MACROD2: variants seen among roughly 807,000 people sequenced by gnomAD.
The protein encoded by MACROD2 is ADP-ribose glycohydrolase MACROD2.
MACROD2 carries 36 observed loss-of-function variants against 70.4 expected under a neutral mutation model. That is an observed-to-expected ratio of 0.51 (90% CI 0.39 to 0.68). The LOEUF is 0.68. Ranked by LOEUF, MACROD2 falls within the 30% of genes least tolerant of loss-of-function variation. The pLI is 0.00. For missense variants in MACROD2, 496 were observed against 538.4 expected (o/e 0.92, Z 0.78); for synonymous variants, 172 against 178.8 (o/e 0.96, Z 0.30).
intron 7 of MACROD2, among the ~76,000 whole-genome samples, chr20:15,434,306 A>G (rs1343208768): frequency 6.6e-6 from 1 of 151,122 alleles, no homozygotes; most frequent in Non-Finnish European, 1.5e-5. Context: ...CCCAGAATCT[A>G]TAAGGAACTC....
chr20:14,401,243 T>C (rs537399061), intron 3 of MACROD2, among the ~76,000 whole-genome samples: 10 of 152,296 alleles, frequency 6.6e-5, no homozygotes, highest in Admixed American at 2.6e-4. Flanking sequence ...CTATTGTGAA[T>C]AGTGCTGTGG....
At chr20:15,072,818 A>G (rs1043083748) in intron 5 of MACROD2, among the ~76,000 whole-genome samples, 2 of 152,190 alleles carry the variant, frequency 1.3e-5, no homozygotes, top group Admixed American at 1.3e-4. Flanking sequence ...CCCCATTGCT[A>G]TAATTTGAAT....
At chr20:14,573,964 A>C (rs527844524) in intron 4 of MACROD2, among the ~76,000 whole-genome samples, 1 of 152,268 alleles carries the variant, frequency 6.6e-6, no homozygotes, top group African/African-American at 2.4e-5. Context: ...CTCCCTGAAA[A>C]GGTAGCACCA....
intron 6 of MACROD2, among the ~76,000 whole-genome samples, chr20:15,323,757 C>T (rs2077897243): frequency 6.6e-6 from 1 of 152,046 alleles, no homozygotes; most frequent in Non-Finnish European, 1.5e-5. Flanking sequence ...ACTTTTATGA[C>T]TCTAGTTTAT....
intron 7 of MACROD2, among the ~76,000 whole-genome samples, chr20:15,441,316 A>C (rs759903933): frequency 7.9e-5 from 12 of 152,106 alleles, no homozygotes; most frequent in African/African-American, 2.7e-4. Flanking sequence ...GACTAACTTC[A>C]CTCTGGAAAG....
At chr20:14,903,861 A>G (rs2073927121) in intron 5 of MACROD2, among the ~76,000 whole-genome samples, 1 of 152,158 alleles carries the variant, frequency 6.6e-6, no homozygotes, top group African/African-American at 2.4e-5. Context: ...ACTGATGTTC[A>G]TCTCACTGAA....
At position 15,296,359 on chromosome 20, in the gene MACROD2, A is replaced by G. The variant is rs1310232870; in HGVS notation, c.540+66298A>G. ...TTAAAATATGACTTAAAAGACATCC[A>G]CCTGAAGCAAATGTAACAAAATGAT... On this transcript the variant is annotated intron_variant, in intron 6 of 17. Transcript: ENST00000684519. Among the ~76,000 whole-genome samples, 4 of 152,252 alleles carry G rather than the reference A, an allele frequency of 2.6e-5. No individual in the cohort carries two copies. In the East Asian group the frequency reaches 7.7e-4, roughly 29 times the overall value.
At chr20:15,079,659 C>A (rs1396540348) in intron 5 of MACROD2, among the ~76,000 whole-genome samples, 1 of 152,084 alleles carries the variant, frequency 6.6e-6, no homozygotes, top group Non-Finnish European at 1.5e-5. Flanking sequence ...ACACCCTCAA[C>A]TCCCTTGACT....
At chr20:15,916,553 T>C (rs2065319346) in intron 10 of MACROD2, among the ~76,000 whole-genome samples, 1 of 152,230 alleles carries the variant, frequency 6.6e-6, no homozygotes, top group Non-Finnish European at 1.5e-5. Context: ...AACAGCATTC[T>C]CTTTAGTTTC....
chr20:15,256,524 T>TA (rs1045409007), intron 6 of MACROD2, among the ~76,000 whole-genome samples: 15 of 151,712 alleles, frequency 9.9e-5, no homozygotes, highest in African/African-American at 3.1e-4. Flanking sequence ...CGGCAAATAA[T>TA]AAAAAAAGGT....
chr20:15,973,000 T>C (rs540497442), intron 13 of MACROD2, among the ~76,000 whole-genome samples: 25 of 152,006 alleles, frequency 1.6e-4, no homozygotes, highest in Admixed American at 1.6e-3. Flanking sequence ...TTAGAAAGGC[T>C]TGTTTAGGTG....
At chr20:14,555,743 G>A (rs1354563625) in intron 4 of MACROD2, among the ~76,000 whole-genome samples, 1 of 152,034 alleles carries the variant, frequency 6.6e-6, no homozygotes, top group Non-Finnish European at 1.5e-5. Context: ...TTAGGTACAT[G>A]GGGGACGTTG....
chr20:14,817,838 G>A (rs897517496), intron 5 of MACROD2, among the ~76,000 whole-genome samples: 3 of 152,114 alleles, frequency 2.0e-5, no homozygotes, highest in Admixed American at 1.3e-4. Flanking sequence ...AAGAAGATGT[G>A]ATGTCCCTGA....
chr20:14,470,424 G>A (rs2084514626), intron 3 of MACROD2, among the ~76,000 whole-genome samples: 1 of 152,184 alleles, frequency 6.6e-6, no homozygotes, highest in Non-Finnish European at 1.5e-5. Context: ...CACTTGGGGA[G>A]GCAGTCTGTC....
At chr20:14,184,165 C>T (rs2146737) in intron 3 of MACROD2, among the ~76,000 whole-genome samples, 151,319 of 152,288 alleles carry the variant, frequency 0.99, 75,186 homozygotes, top group East Asian at 1. Flanking sequence ...TAGTTTTGGG[C>T]TTTGCATTTA....
intron 10 of MACROD2, among the ~76,000 whole-genome samples, chr20:15,902,142 T>C (rs1470413754): frequency 1.3e-5 from 2 of 152,206 alleles, no homozygotes; most frequent in Non-Finnish European, 2.9e-5. Flanking sequence ...AAAATGATGC[T>C]ACTGCAGAAA....
At position 15,000,346 on chromosome 20, in the gene MACROD2, G is replaced by A. The variant is rs202216017; in HGVS notation, c.419-229594G>A. ...ACTTCATCAAGAGGTAGAAACGGCC[G>A]GGCGCGGTGGCTCACGCCTGTAGTC... On this transcript the variant is annotated intron_variant, in intron 5 of 17. Transcript: ENST00000684519. Among the ~76,000 whole-genome samples the A allele has an allele frequency of 5.4e-5, 7 of 130,834 alleles. 1 individual carries two copies. The highest frequency in any genetic ancestry group is 1.5e-4 in the Admixed American group (2 of 13,202). The allele number at this position is 130,834 out of a possible 152,430, so 85.8% of individuals were successfully genotyped here.
At chr20:14,559,860 T>C (rs1165748953) in intron 4 of MACROD2, among the ~76,000 whole-genome samples, 1 of 151,848 alleles carries the variant, frequency 6.6e-6, no homozygotes, top group Non-Finnish European at 1.5e-5. Flanking sequence ...TGTCATTAAA[T>C]GGAGACTGTA....
At chr20:14,638,034 T>C (rs1254629550) in intron 4 of MACROD2, among the ~76,000 whole-genome samples, 1 of 152,162 alleles carries the variant, frequency 6.6e-6, no homozygotes, top group South Asian at 2.1e-4. Flanking sequence ...TCTGGGTTTT[T>C]TTTTCTGTAG....
Sources: allele counts gnomAD v4.1 joint callset (sites outside exome capture counted in the v4.1 genomes callset), GRCh38; gene constraint gnomAD v4.1.1; transcripts MANE v1.5; gene names NCBI Gene and HGNC (gene_info 2026-07-23, HGNC 2026-07-21).